The following MYO6 variants were observed in gnomAD, a reference collection of about 807,000 sequenced individuals.
The protein encoded by MYO6 is myosin VI, also known as unconventional myosin-VI.
Under a neutral mutation model 178.7 loss-of-function variants are expected in MYO6, and 74 were observed. That is an observed-to-expected ratio of 0.41 (90% CI 0.34 to 0.50). MYO6 has a LOEUF of 0.50. Ranked by LOEUF, MYO6 falls within the 20% of genes least tolerant of loss-of-function variation. The pLI is 0.09. For synonymous variants in MYO6, 477 were observed against 504.6 expected (o/e 0.95, Z 0.73); for missense variants, 1,330 against 1,547.4 (o/e 0.86, Z 2.36).
At chr6:75,763,299 C>T (rs533785513) in intron 1 of MYO6, among the ~76,000 whole-genome samples, 2 of 152,302 alleles carry the variant, frequency 1.3e-5, no homozygotes, top group African/African-American at 4.8e-5. Context: ...GCTGGGATTA[C>T]AGGCGTGAGC....
At chr6:75,854,710 T>G (rs182970742) in intron 11 of MYO6, among the ~76,000 whole-genome samples, 4 of 152,296 alleles carry the variant, frequency 2.6e-5, no homozygotes, top group Non-Finnish European at 5.9e-5. Flanking sequence ...GACAGATATG[T>G]ACATCCAAAT....
rs1311512045 is a variant in MYO6 at position 75,917,255 on chromosome 6, CTG to C, written c.*2244_*2245del. ...TTCACTCATATTTTAATCATTTTAA[CTG>C]AGATTTAAAATTAGAAGTTTAAACC... On this transcript the variant is annotated 3_prime_UTR_variant, in exon 35 of 35. Transcript: ENST00000369977. The C allele has an allele frequency of 6.6e-6, 1 of 152,664 alleles. No homozygotes were observed. Among genetic ancestry groups the C allele is most frequent in the Non-Finnish European group, 1.5e-5 (1 of 68,044 alleles). The allele number at this position is 152,664 out of a possible 1,614,324, so 9.5% of individuals were successfully genotyped here. A position where few individuals can be genotyped will look rare whatever the true frequency, so the allele number is the denominator to read the frequency against.
chr6:75,792,321 A>T lies in MYO6; in HGVS notation c.-47-25180A>T, dbSNP rs551696989. 4.6e-5 allele frequency among the ~76,000 whole-genome samples: 7 copies of T among 152,350 alleles called. No homozygotes were observed. The East Asian group carries it at 1.4e-3, about 29-fold the overall frequency. ...AGATATTAATTAGTTACCCTGGATG[A>T]TGAGAAGGGGTTATCAGTATCTTGT... On this transcript the variant is annotated intron_variant, in intron 1 of 34. Coordinates refer to ENST00000369977, the MANE Select transcript of MYO6 (RefSeq NM_004999.4).
At chr6:75,767,658 A>T (rs923960157) in intron 1 of MYO6, among the ~76,000 whole-genome samples, 1 of 151,362 alleles carries the variant, frequency 6.6e-6, no homozygotes, top group East Asian at 1.9e-4. Context: ...AACTGAGACT[A>T]CAGGTGCGCA....
At chr6:75,784,388 T>A (rs1583061958) in intron 1 of MYO6, among the ~76,000 whole-genome samples, 1 of 149,316 alleles carries the variant, frequency 6.7e-6, no homozygotes, top group South Asian at 2.2e-4. Flanking sequence ...AGAATGGAAG[T>A]GAAGTTGAAA....
At chr6:75,865,061 C>G (rs1776532815) in intron 16 of MYO6, among the ~76,000 whole-genome samples, 1 of 152,094 alleles carries the variant, frequency 6.6e-6, no homozygotes, top group African/African-American at 2.4e-5. Flanking sequence ...CCTCTTTAAC[C>G]TTGAGCAAGC....
chr6:75,827,559 G>T (rs1260693591), intron 3 of MYO6, among the ~76,000 whole-genome samples: 1 of 152,168 alleles, frequency 6.6e-6, no homozygotes, highest in East Asian at 1.9e-4. Flanking sequence ...GTGCTGAGAA[G>T]TCTGGATTAG....
chr6:75,820,361 G>T (rs773664674), intron 2 of MYO6, among the ~76,000 whole-genome samples: 1 of 152,028 alleles, frequency 6.6e-6, no homozygotes, highest in Admixed American at 6.6e-5. Context: ...ATCCATACCT[G>T]CTCTTTATTT....
intron 32 of MYO6, 66 bp downstream of exon 32, chr6:75,908,693 T>G (rs1456114121): frequency 2.0e-6 from 3 of 1,531,460 alleles, no homozygotes; most frequent in Admixed American, 3.4e-5. Context: ...TATCTGTACT[T>G]AAGACATGGG....
chr6:75,823,643 A>G (rs754014678), intron 3 of MYO6, among the ~76,000 whole-genome samples: 2 of 152,234 alleles, frequency 1.3e-5, no homozygotes, highest in Non-Finnish European at 2.9e-5. Flanking sequence ...TGGAATTCAC[A>G]TTTGAGTAAG....
At chr6:75,835,809 T>C in intron 6 of MYO6, 92 bp from the exon 7 acceptor site, 2 of 737,846 alleles carry the variant, frequency 2.7e-6, no homozygotes, top group Non-Finnish European at 4.9e-6. Context: ...ATAATGATGA[T>C]CTAGGTTTCA....
intron 1 of MYO6, among the ~76,000 whole-genome samples, chr6:75,803,856 A>T (rs540679177): frequency 2.0e-5 from 3 of 152,244 alleles, no homozygotes; most frequent in Non-Finnish European, 4.4e-5. Context: ...CTGAAGATTA[A>T]CTTGGATATA....
rs756171306 is a variant in MYO6, at chr6:75,908,584, T to C, written c.3369T>C (p.Asn1123=). 6.2e-7 allele frequency: 1 copy of C among 1,613,296 alleles called. No homozygotes were observed. The highest frequency in any genetic ancestry group is 1.7e-5 in the Admixed American group (1 of 59,982). The change falls in exon 32 of 35, where the codon AAT becomes AAC. Residue 1123 remains asparagine (N), a synonymous_variant. Coordinates refer to ENST00000369977, the MANE Select transcript of MYO6 (RefSeq NM_004999.4). ...HAWKSKNKKR[N]TETEQRAPKS... The stretch of plus-strand genomic sequence containing the variant: ...GGAAATCTAAGAACAAGAAGAGAAA[T>C]ACTGAAACAGAGCAACGTGCTCCAA...
Position 75,892,632 on chromosome 6 carries a change from G to C in MYO6, c.3049G>C (p.Ala1017Pro). ...RRDRELALRI[A>P]QSEAELISDE... ...GGACCGGGAGCTGGCCCTGAGGATT[G>C]CCCAGAGTGAAGCCGAGCTCATCAG... Residue 1017 changes from alanine to proline, a missense_variant, in exon 28 of 35, where the codon GCC becomes CCC. Physicochemically the swap from Ala to Pro is conservative, Grantham distance 27 (BLOSUM62 -1). Coordinates refer to ENST00000369977, the MANE Select transcript of MYO6 (RefSeq NM_004999.4). 1.2e-6 allele frequency: 2 copies of C among 1,613,178 alleles called. No homozygotes were observed. Among genetic ancestry groups the C allele is most frequent in the Non-Finnish European group, 1.7e-6 (2 of 1,180,024 alleles).
At chr6:75,776,911 T>C (rs969581871) in intron 1 of MYO6, among the ~76,000 whole-genome samples, 4 of 152,156 alleles carry the variant, frequency 2.6e-5, no homozygotes, top group African/African-American at 7.2e-5. Flanking sequence ...TAACAATAGC[T>C]CATGTTGGAA....
intron 30 of MYO6, among the ~76,000 whole-genome samples, chr6:75,903,508 GT>G (rs1412114356): frequency 6.6e-6 from 1 of 151,798 alleles, no homozygotes; most frequent in Admixed American, 6.6e-5. Context: ...TTTGATCTTT[GT>G]TGGTTTAAAG....
intron 24 of MYO6, 125 bp downstream of exon 24, chr6:75,886,219 G>A (rs941469289): frequency 1.5e-5 from 10 of 649,846 alleles, no homozygotes; most frequent in Admixed American, 2.8e-5. Flanking sequence ...GTAAAATGAT[G>A]TATTAGTCTT....
In MYO6 at chr6:75,825,690, T is replaced by C. The variant is rs529383337; in HGVS notation, c.187+2839T>C. On this transcript the variant is annotated intron_variant, in intron 3 of 34. Coordinates refer to ENST00000369977, the MANE Select transcript of MYO6 (RefSeq NM_004999.4). ...CTTCTACAACAACATATATTTAGAA[T>C]TGATTGACTTCTGTGTTGAAGTTGT... 3.9e-5 allele frequency among the ~76,000 whole-genome samples: 6 copies of C among 152,336 alleles called. 1 individual carries two copies. In the South Asian group the frequency reaches 1.2e-3, roughly 32 times the overall value.
chr6:75,881,754 C>G lies in MYO6; in HGVS notation c.2352C>G (p.Val784=). The G allele has an allele frequency of 6.2e-7, 1 of 1,614,022 alleles. No individual in the cohort carries two copies. Residue 784 remains valine (V), a synonymous_variant, in exon 23 of 35, where the codon GTC becomes GTG. Transcript: ENST00000369977. The part of the protein sequence containing the change: ...PDHLAELVKR[V]NHWLTCSRWK... ...ACTTAGCAGAGTTGGTTAAAAGAGT[C>G]AATCACTGGCTCACATGCAGTCGCT...
Sources: allele counts gnomAD v4.1 joint callset (sites outside exome capture counted in the v4.1 genomes callset), GRCh38; gene constraint gnomAD v4.1.1; transcripts MANE v1.5; gene names NCBI Gene and HGNC (gene_info 2026-07-23, HGNC 2026-07-21).